FBXW5: variants seen among roughly 807,000 people sequenced by gnomAD.
FBXW5 encodes the protein F-box and WD repeat domain containing 5.
FBXW5 carries 74 observed loss-of-function variants against 50.9 expected under a neutral mutation model. That is an observed-to-expected ratio of 1.45 (90% CI 1.20 to 1.76). The LOEUF (loss-of-function observed/expected upper bound fraction) is 1.76, where lower values mean the gene tolerates loss of function less well. FBXW5 is among the 40% of genes most tolerant of loss of function. FBXW5 has a pLI of 0.00. For synonymous variants in FBXW5, 523 were observed against 362.2 expected (o/e 1.44, Z -5.04); for missense variants, 1,073 against 818.8 (o/e 1.31, Z -3.79).
At chr9:136,944,272 G>GCGGGC (rs1454977673) in intron 1 of FBXW5, 166 bp from the exon 2 acceptor site, 20 of 811,448 alleles carry the variant, frequency 2.5e-5, no homozygotes, top group African/African-American at 3.7e-5. Flanking sequence ...GCAGCTCCGG[G>GCGGGC]CGGGCCGGGC....
At position 136,944,061 on chromosome 9, in the gene FBXW5, A is replaced by AG. The variant is rs777634382; in HGVS notation, c.22dup (p.Leu8ProfsTer71). 1.9e-6 allele frequency: 3 copies of AG among 1,600,934 alleles called. No homozygotes were observed. Among genetic ancestry groups the AG allele is most frequent in the South Asian group, 2.2e-5 (2 of 89,108 alleles). ...CTGGTAGACCAGGCTGTCGGGGAGC[A>AG]GGGGCGTGCCGCCCTCGTCCATCGT... On this transcript the variant is annotated frameshift_variant, in exon 2 of 9. Coordinates refer to ENST00000325285, the MANE Select transcript of FBXW5 (RefSeq NM_018998.4). LOFTEE classifies it high-confidence loss of function.
chr9:136,942,713 C>A lies in FBXW5; in HGVS notation c.527-18G>T. The A allele has an allele frequency of 6.2e-7, 1 of 1,610,730 alleles. No homozygotes were observed. The highest frequency in any genetic ancestry group is 1.1e-5 in the South Asian group (1 of 90,906). On this transcript the variant is annotated intron_variant, in intron 4 of 8. Coordinates refer to ENST00000325285, the MANE Select transcript of FBXW5 (RefSeq NM_018998.4). ...GAAGGAGTCTGTGGGGAGGCCGGGG[C>A]TGGACAGGCTGTCGGCGTGGGGCGG... is the stretch of plus-strand genomic sequence containing the variant.
intron 6 of FBXW5, 92 bp downstream of exon 6, chr9:136,941,954 T>C: frequency 6.8e-7 from 1 of 1,465,074 alleles, no homozygotes; most frequent in Non-Finnish European, 9.0e-7. Context: ...GCTTTGCCTG[T>C]GGACTTGCTT....
chr9:136,940,856 G>C lies in FBXW5; in HGVS notation c.*72C>G. The C allele has an allele frequency of 6.6e-7, 1 of 1,514,774 alleles. No individual in the cohort carries two copies. The highest frequency in any genetic ancestry group is 2.4e-5 in the East Asian group (1 of 41,078). The allele number at this position is 1,514,774 out of a possible 1,614,324, so 93.8% of individuals were successfully genotyped here. A position where few individuals can be genotyped will look rare whatever the true frequency, so the allele number is the denominator to read the frequency against. ...TGCTATAAGCATCTCCACCTCTCCC[G>C]CTCGGGAAAAAGCCACAGAGCCTGG... On this transcript the variant is annotated 3_prime_UTR_variant, in exon 9 of 9. Coordinates refer to ENST00000325285, the MANE Select transcript of FBXW5 (RefSeq NM_018998.4).
rs781059087 is a variant in FBXW5, at chr9:136,941,123, G to T, written c.1506C>A (p.Ile502=). The change falls in exon 9 of 9, where the codon ATC becomes ATA. Residue 502 remains isoleucine (I), a synonymous_variant. Coordinates refer to ENST00000325285, the MANE Select transcript of FBXW5 (RefSeq NM_018998.4). ...CCTCGTGCCGCAGCCTGGCCAGACA[G>T]ATGTTGTAGTGGCGGTCCCAGATGT... ...HGYIWDRHYN[I]CLARLRHEDV... The T allele has an allele frequency of 1.2e-6, 2 of 1,600,932 alleles. No homozygotes were observed. Among genetic ancestry groups the T allele is most frequent in the African/African-American group, 2.7e-5 (2 of 74,780 alleles).
chr9:136,943,512 G>A lies in FBXW5; in HGVS notation c.194-6C>T, dbSNP rs1270790468. On this transcript the variant is annotated splice_region_variant and splice_polypyrimidine_tract_variant and intron_variant, in intron 2 of 8. Coordinates refer to ENST00000325285, the MANE Select transcript of FBXW5 (RefSeq NM_018998.4). ...CTCGTACCAGGACATGGCCGCTGCG[G>A]GTGGGCAGTTGTCAGTCCTGGGCCC... The A allele has an allele frequency of 1.2e-6, 2 of 1,605,986 alleles. No individual in the cohort carries two copies. Among genetic ancestry groups the A allele is most frequent in the Non-Finnish European group, 1.7e-6 (2 of 1,174,708 alleles).
In FBXW5 at chr9:136,941,562, C is replaced by T. The variant is rs764752014; in HGVS notation, c.1219G>A (p.Gly407Ser). The change falls in exon 7 of 9, where the codon GGC (glycine) becomes AGC (serine). Residue 407 changes from glycine to serine, a missense_variant. Coordinates refer to ENST00000325285, the MANE Select transcript of FBXW5 (RefSeq NM_018998.4). Reference protein sequence around the residue: ...HVIDIHGHIIGMGLSPDNRYL... With the variant: ...HVIDIHGHIISMGLSPDNRYL... ...CTGTTGTCGGGCGACAGGCCCATGC[C>T]GATGATGTGTCCGTGTATGTCTATG... 22 of 1,609,558 alleles carry T rather than the reference C, an allele frequency of 1.4e-5. No individual in the cohort carries two copies. Among genetic ancestry groups the T allele is most frequent in the African/African-American group, 4.1e-5 (3 of 73,746 alleles).
At chr9:136,943,593 G>A (rs1850894871) in intron 2 of FBXW5, 87 bp from the exon 3 acceptor site, 4 of 1,496,096 alleles carry the variant, frequency 2.7e-6, no homozygotes, top group Non-Finnish European at 3.6e-6. Flanking sequence ...AGTCCTGGCA[G>A]GCCCCGTGGT....
At chr9:136,943,561 A>G in intron 2 of FBXW5, 55 bp from the exon 3 acceptor site, 1 of 1,558,118 alleles carries the variant, frequency 6.4e-7, no homozygotes, top group African/African-American at 1.4e-5. Context: ...AGTCACGGCC[A>G]TGAGCCGAGT....
Position 136,943,872 on chromosome 9 carries a change from G to C in FBXW5, c.193+19C>G. The C allele has an allele frequency of 1.9e-6, 3 of 1,548,464 alleles. No individual in the cohort carries two copies. The highest frequency in any genetic ancestry group is 2.6e-6 in the Non-Finnish European group (3 of 1,146,146). On this transcript the variant is annotated intron_variant, in intron 2 of 8. Coordinates refer to ENST00000325285, the MANE Select transcript of FBXW5 (RefSeq NM_018998.4). ...GCCCTGGCTGCAGAACGTGGGTAGG[G>C]GCCCCACACGCCACTGACCTGGGTG...
rs888213217 is a variant in FBXW5, at chr9:136,943,324, G to A, written c.351+25C>T. On this transcript the variant is annotated intron_variant, in intron 3 of 8. Transcript: ENST00000325285. ...GTGCTGCGGCAGAGCTGGGTGGGGT[G>A]TGCAGGACACCTGGCCGTCCTCACC... 3 of 1,603,204 alleles carry A rather than the reference G, an allele frequency of 1.9e-6. No individual in the cohort carries two copies. In the South Asian group the frequency reaches 3.3e-5, roughly 18 times the overall value.
At position 136,943,198 on chromosome 9, in the gene FBXW5, TG is replaced by T. The variant is rs1758788379; in HGVS notation, c.351+150del. 5 of 1,143,552 alleles carry T rather than the reference TG, an allele frequency of 4.4e-6. No homozygotes were observed. The South Asian group carries it at 5.9e-5, about 13-fold the overall frequency. The allele number at this position is 1,143,552 out of a possible 1,614,324, so 70.8% of individuals were successfully genotyped here. A position where few individuals can be genotyped will look rare whatever the true frequency, so the allele number is the denominator to read the frequency against. ...ACCCTGCACCGCTCCTGATCCTCTGTGGTCCCTCCGCTGGATGCAGGGAGGC... is the reference window on the plus strand; with the variant it reads ...ACCCTGCACCGCTCCTGATCCTCTGTGTCCCTCCGCTGGATGCAGGGAGGC... On this transcript the variant is annotated intron_variant, in intron 3 of 8. Transcript: ENST00000325285.
rs565863002 is a variant in FBXW5 at position 136,941,409 on chromosome 9, G to A, written c.1299C>T (p.Pro433=). The change falls in exon 8 of 9, where the codon CCC becomes CCT. Residue 433 remains proline (P), a synonymous_variant. Transcript: ENST00000325285. ...AWPNGAVVAD[P]MQPPPIAEEI... ...CCTCCGCGATTGGTGGCGGCTGCAT[G>A]GGGTCGGCCACCACCGCACCGTTGG... The A allele has an allele frequency of 4.3e-6, 7 of 1,610,496 alleles. No homozygotes were observed. The highest frequency in any genetic ancestry group is 3.3e-4 in the Middle Eastern group (2 of 6,062).
In FBXW5 at chr9:136,940,787, T is replaced by A. The variant is rs1850719247; in HGVS notation, c.*141A>T. On this transcript the variant is annotated 3_prime_UTR_variant, in exon 9 of 9. Transcript: ENST00000325285. Reference sequence around the variant, plus strand: ...ACAGCTGCGTGAGCAGGTTTGTGTGTGAGCGTGTGGCGGGGCCTGGTTGTC... The same window carrying A: ...ACAGCTGCGTGAGCAGGTTTGTGTGAGAGCGTGTGGCGGGGCCTGGTTGTC... 1 of 1,296,326 alleles carries A rather than the reference T, an allele frequency of 7.7e-7. No individual in the cohort carries two copies. The highest frequency in any genetic ancestry group is 1.5e-5 in the African/African-American group (1 of 67,542). 80.3% of individuals were successfully genotyped at this position (1,296,326 alleles called of 1,614,324 possible).
rs1000096153 is a variant in FBXW5 at position 136,944,601 on chromosome 9, G to A, written c.-31C>T. Reference sequence around the variant, plus strand: ...GGCCGCAGGCGCACTCACCACGGCCGCCTCCGCCCGCTGCGCCGCCCCCGC... The same window carrying A: ...GGCCGCAGGCGCACTCACCACGGCCACCTCCGCCCGCTGCGCCGCCCCCGC... On this transcript the variant is annotated 5_prime_UTR_variant, in exon 1 of 9. Transcript: ENST00000325285. 2.3e-4 allele frequency: 230 copies of A among 984,228 alleles called. No homozygotes were observed. Among genetic ancestry groups the A allele is most frequent in the Non-Finnish European group, 2.7e-4 (224 of 829,274 alleles). 61.0% of individuals were successfully genotyped at this position (984,228 alleles called of 1,614,324 possible).
Position 136,942,343 on chromosome 9 carries a change from G to A in FBXW5, c.799C>T (p.Leu267=). 1 of 1,605,540 alleles carries A rather than the reference G, an allele frequency of 6.2e-7. No individual in the cohort carries two copies. Among genetic ancestry groups the A allele is most frequent in the South Asian group, 1.1e-5 (1 of 90,200 alleles). Reference sequence around the variant, plus strand: ...GACGTGGCCGGGTCACCGGCTTCCAGCAGCAGGTCAGGGCTGTCGAAGCGG... The same window carrying A: ...GACGTGGCCGGGTCACCGGCTTCCAACAGCAGGTCAGGGCTGTCGAAGCGG... ...CSRFDSPDLL[L]EAGDPATSPC... Residue 267 remains leucine, a synonymous_variant, in exon 6 of 9, where the codon CTG becomes TTG. Transcript: ENST00000325285.
Position 136,942,389 on chromosome 9 carries a change from C to A in FBXW5, c.753G>T (p.Thr251=). 6.2e-7 allele frequency: 1 copy of A among 1,611,376 alleles called. No homozygotes were observed. Among genetic ancestry groups the A allele is most frequent in the Non-Finnish European group, 8.5e-7 (1 of 1,179,044 alleles). ...IQNLNASTVR[T]VMVADCSRFD... is the part of the protein sequence containing the mutation. ...AGCGGCTGCAGTCGGCCACCATCACCGTGCGGACGGTGCTGGCATTGAGGT... is the reference window on the plus strand; with the variant it reads ...AGCGGCTGCAGTCGGCCACCATCACAGTGCGGACGGTGCTGGCATTGAGGT... The change falls in exon 6 of 9, where the codon ACG becomes ACT. Residue 251 remains threonine, a synonymous_variant. Coordinates refer to ENST00000325285, the MANE Select transcript of FBXW5 (RefSeq NM_018998.4).
rs1850937448 is a variant in FBXW5, at chr9:136,944,155, CGA to C, written c.-23-51_-23-50del. The C allele has an allele frequency of 2.8e-5, 42 of 1,474,990 alleles. No homozygotes were observed. In the South Asian group the frequency reaches 5.5e-4, roughly 19 times the overall value. 91.4% of individuals were successfully genotyped at this position (1,474,990 alleles called of 1,614,324 possible). On this transcript the variant is annotated intron_variant, in intron 1 of 8. Transcript: ENST00000325285. ...TCAGCCCAGGCCCGGGAAGGGAGGC[CGA>C]GAGCGGGCGTCCTGTTCCTCCAGCC...
At chr9:136,943,034 G>A in intron 3 of FBXW5, 91 bp from the exon 4 acceptor site, 2 of 1,587,370 alleles carry the variant, frequency 1.3e-6, no homozygotes, top group Admixed American at 1.7e-5. Flanking sequence ...AGCTCTGCCA[G>A]CCCTACTCAG....
Sources: allele counts gnomAD v4.1 joint callset, GRCh38; gene constraint gnomAD v4.1.1; transcripts MANE v1.5; gene names NCBI Gene and HGNC (gene_info 2026-07-23, HGNC 2026-07-21).